Variants in FHIT observed in about 807,000 individuals in gnomAD.
The protein encoded by FHIT is bis(5'-adenosyl)-triphosphatase.
Under a neutral mutation model 17.9 loss-of-function variants are expected in FHIT, and 19 were observed. The ratio of observed to expected loss-of-function variants is 1.06; its 90% confidence interval spans 0.74 to 1.56. FHIT has a LOEUF of 1.56. FHIT is among the 40% of genes most tolerant of loss of function. The pLI, the probability that FHIT is intolerant of heterozygous loss-of-function variation, is 0.00. For missense variants in FHIT, 248 were observed against 189.2 expected (o/e 1.31, Z -1.82); for synonymous variants, 81 against 69.7 (o/e 1.16, Z -0.81).
At chr3:60,824,940 C>T (rs1249842882) in intron 3 of FHIT, among the ~76,000 whole-genome samples, 1 of 152,146 alleles carries the variant, frequency 6.6e-6, no homozygotes, top group Non-Finnish European at 1.5e-5. Context: ...TTATCAGCAG[C>T]ATGAAAACTG....
chr3:59,913,284 A>C (rs1029199867), intron 8 of FHIT, among the ~76,000 whole-genome samples: 1 of 152,170 alleles, frequency 6.6e-6, no homozygotes. Flanking sequence ...TGGAAGTCCC[A>C]GTGTCTAAGA....
At chr3:60,270,138 G>A (rs1483855743) in intron 5 of FHIT, among the ~76,000 whole-genome samples, 1 of 152,140 alleles carries the variant, frequency 6.6e-6, no homozygotes, top group Non-Finnish European at 1.5e-5. Context: ...GCGAAGTCAG[G>A]TGACAGAGAC....
At chr3:61,075,580 C>T (rs148037477) in intron 2 of FHIT, among the ~76,000 whole-genome samples, 204 of 152,076 alleles carry the variant, frequency 1.3e-3, no homozygotes, top group African/African-American at 4.5e-3. Context: ...ATCCTTTTCA[C>T]TGAGATTGAG....
intron 9 of FHIT, chr3:59,750,075 A>G: frequency 4.4e-6 from 1 of 225,608 alleles, no homozygotes; most frequent in African/African-American, 2.2e-5. Context: ...GTTAGGGTAA[A>G]TATCTTTCTG....
chr3:60,979,079 A>G (rs929195547), intron 3 of FHIT, among the ~76,000 whole-genome samples: 2 of 152,216 alleles, frequency 1.3e-5, no homozygotes, highest in Non-Finnish European at 2.9e-5. Flanking sequence ...CAAATGATGA[A>G]AATACATCTG....
At chr3:59,876,571 A>C (rs961464814) in intron 8 of FHIT, among the ~76,000 whole-genome samples, 1 of 152,184 alleles carries the variant, frequency 6.6e-6, no homozygotes, top group African/African-American at 2.4e-5. Context: ...TCAAGAGAGA[A>C]GAGGTGGAGG....
chr3:60,328,245 A>G (rs1423696422), intron 5 of FHIT, among the ~76,000 whole-genome samples: 1 of 152,206 alleles, frequency 6.6e-6, no homozygotes, highest in Non-Finnish European at 1.5e-5. Flanking sequence ...TGAGAGTGGC[A>G]GACTGAGCAA....
chr3:60,212,437 C>T (rs1576316612), intron 5 of FHIT, among the ~76,000 whole-genome samples: 1 of 152,210 alleles, frequency 6.6e-6, no homozygotes, highest in African/African-American at 2.4e-5. Context: ...CTCAAAGCAC[C>T]AGAAGACTCC....
intron 4 of FHIT, among the ~76,000 whole-genome samples, chr3:60,591,738 G>A (rs1466505679): frequency 6.6e-6 from 1 of 152,012 alleles, no homozygotes; most frequent in Non-Finnish European, 1.5e-5. Flanking sequence ...TAGTTTGTTC[G>A]TTCAAATACA....
intron 4 of FHIT, among the ~76,000 whole-genome samples, chr3:60,740,734 A>C (rs2042223832): frequency 6.6e-6 from 1 of 152,122 alleles, no homozygotes; most frequent in Non-Finnish European, 1.5e-5. Context: ...TACCCAGCAA[A>C]ATACCTTCTA....
intron 5 of FHIT, 191 bp downstream of exon 5, chr3:60,536,669 C>A (rs1054973769): frequency 3.9e-6 from 2 of 516,842 alleles, no homozygotes; most frequent in Non-Finnish European, 6.4e-6. Flanking sequence ...AAGCATATTA[C>A]TGGTGCCACC....
chr3:60,337,141 GACA>G (rs1460923245), intron 5 of FHIT, among the ~76,000 whole-genome samples: 1 of 152,110 alleles, frequency 6.6e-6, no homozygotes, highest in Non-Finnish European at 1.5e-5. Context: ...TCACAATTGA[GACA>G]ACAATTCTTT....
chr3:60,628,083 T>G (rs1294222184), intron 4 of FHIT, among the ~76,000 whole-genome samples: 2 of 152,246 alleles, frequency 1.3e-5, no homozygotes, highest in African/African-American at 4.8e-5. Context: ...TACAGGTACT[T>G]AAGCTATATG....
At chr3:59,920,915 T>C (rs974683040) in intron 8 of FHIT, among the ~76,000 whole-genome samples, 1 of 152,162 alleles carries the variant, frequency 6.6e-6, no homozygotes. Flanking sequence ...TTCCCAAAGG[T>C]AGTCATGCAT....
At chr3:60,344,440 C>G (rs1019218092) in intron 5 of FHIT, among the ~76,000 whole-genome samples, 11 of 152,154 alleles carry the variant, frequency 7.2e-5, no homozygotes, top group African/African-American at 2.4e-4. Flanking sequence ...AAGATTCTTG[C>G]CTCATGTTGG....
chr3:59,844,480 T>A (rs957948981), intron 8 of FHIT, among the ~76,000 whole-genome samples: 3 of 151,836 alleles, frequency 2.0e-5, no homozygotes, highest in Non-Finnish European at 2.9e-5. Context: ...TTTTCCTAGT[T>A]TGTTGAGTGT....
chr3:60,229,083 C>A (rs1704360749), intron 5 of FHIT, among the ~76,000 whole-genome samples: 2 of 152,134 alleles, frequency 1.3e-5, no homozygotes, highest in African/African-American at 4.8e-5. Flanking sequence ...TTACTGACTT[C>A]TTACTATGTT....
At chr3:59,962,255 T>G (rs1707721158) in intron 7 of FHIT, among the ~76,000 whole-genome samples, 1 of 152,220 alleles carries the variant, frequency 6.6e-6, no homozygotes. Context: ...CCTTCTGTTT[T>G]TGAGCAAAAG....
At chr3:60,572,456 A>C (rs1417026697) in intron 4 of FHIT, among the ~76,000 whole-genome samples, 3 of 152,088 alleles carry the variant, frequency 2.0e-5, no homozygotes, top group Admixed American at 2.0e-4. Flanking sequence ...TAAGATAGGA[A>C]AAAAAGAGAC....
Sources: allele counts gnomAD v4.1 joint callset (sites outside exome capture counted in the v4.1 genomes callset), GRCh38; gene constraint gnomAD v4.1.1; transcripts MANE v1.5; gene names NCBI Gene and HGNC (gene_info 2026-07-23, HGNC 2026-07-21).